ANXA2: variants seen among roughly 807,000 people sequenced by gnomAD.
ANXA2 encodes annexin II.
In ANXA2, 28 loss-of-function variants were observed where a neutral mutation model predicts 47.3. The ratio of observed to expected loss-of-function variants is 0.59; its 90% CI spans 0.44 to 0.81. ANXA2 has a LOEUF of 0.81. ANXA2 is among the 40% of genes least tolerant of loss of function. The pLI is 0.00. For synonymous variants in ANXA2, 172 were observed against 155.5 expected (o/e 1.11, Z -0.79); for missense variants, 384 against 414.3 (o/e 0.93, Z 0.64).
intron 1 of ANXA2, chr15:60,396,546 C>T (rs1387834408): frequency 1.3e-5 from 2 of 152,202 alleles, no homozygotes; most frequent in Non-Finnish European, 2.9e-5. Context: ...AAAAATATTT[C>T]AGTGATTTAG....
chr15:60,376,297 G>A (rs946486588), intron 3 of ANXA2, among the ~76,000 whole-genome samples: 4 of 151,958 alleles, frequency 2.6e-5, no homozygotes, highest in Non-Finnish European at 2.9e-5. Flanking sequence ...TAGGAGAATC[G>A]CTTGAACCCG....
At position 60,390,241 on chromosome 15, in the gene ANXA2, T is replaced by G. The variant is rs1430840021; in HGVS notation, c.-11-4155A>C. 3.9e-6 allele frequency: 4 copies of G among 1,018,724 alleles called. No individual in the cohort carries two copies. In the African/African-American group the frequency reaches 6.9e-5, roughly 18 times the overall value. 63.1% of individuals were successfully genotyped at this position (1,018,724 alleles called of 1,614,324 possible). A position where few individuals can be genotyped will look rare whatever the true frequency, so the allele number is the denominator to read the frequency against. ...AAAGCAGTATCTATGAAATTTGACA[T>G]TATCCCATGCAGGTGCCTTTTGTAT... is the stretch of plus-strand genomic sequence containing the variant. On this transcript the variant is annotated intron_variant, in intron 1 of 12. Coordinates refer to ENST00000451270, the MANE Select transcript of ANXA2 (RefSeq NM_004039.3).
In ANXA2 at chr15:60,382,405, C is replaced by T. The variant is rs1481934769; in HGVS notation, c.85G>A (p.Ala29Thr). ...TPPSAYGSVKAYTNFDAERDA... is the reference protein window; with the variant it reads ...TPPSAYGSVKTYTNFDAERDA... ...CGCTCAGCATCAAAGTTAGTATAGG[C>T]TTTGACAGACCCATATGCACTTGGG... is the stretch of plus-strand genomic sequence containing the variant. Residue 29 changes from alanine to threonine, a missense_variant, in exon 3 of 13, where the codon GCC becomes ACC. Coordinates refer to ENST00000451270, the MANE Select transcript of ANXA2 (RefSeq NM_004039.3). The T allele has an allele frequency of 6.2e-7, 1 of 1,613,788 alleles. No homozygotes were observed. Among genetic ancestry groups the T allele is most frequent in the Non-Finnish European group, 8.5e-7 (1 of 1,179,866 alleles).
At chr15:60,377,101 T>C (rs940953545) in intron 3 of ANXA2, among the ~76,000 whole-genome samples, 1 of 152,220 alleles carries the variant, frequency 6.6e-6, no homozygotes, top group Non-Finnish European at 1.5e-5. Context: ...TACTTAGTAT[T>C]GTCTCTTCCC....
chr15:60,366,358 G>C (rs1450348291), intron 3 of ANXA2, among the ~76,000 whole-genome samples: 1 of 149,536 alleles, frequency 6.7e-6, no homozygotes, highest in Non-Finnish European at 1.5e-5. Flanking sequence ...TCTGGAAAGT[G>C]AGGAGCGCCT....
At chr15:60,394,350 A>C (rs2063052908) in intron 1 of ANXA2, among the ~76,000 whole-genome samples, 1 of 152,128 alleles carries the variant, frequency 6.6e-6, no homozygotes, top group Admixed American at 6.5e-5. Context: ...CCTGGGGTAA[A>C]ACTCAGGCCA....
At chr15:60,369,829 C>CT (rs1274457403) in intron 3 of ANXA2, among the ~76,000 whole-genome samples, 1 of 152,212 alleles carries the variant, frequency 6.6e-6, no homozygotes, top group Non-Finnish European at 1.5e-5. Context: ...CTACCAACTG[C>CT]TTTTGTGAGG....
intron 6 of ANXA2, among the ~76,000 whole-genome samples, chr15:60,356,286 C>G (rs993987841): frequency 1.4e-4 from 22 of 152,090 alleles, no homozygotes; most frequent in African/African-American, 5.1e-4. Flanking sequence ...TAAATACTGG[C>G]TCCCAGCCCT....
intron 7 of ANXA2, chr15:60,355,599 T>C (rs1187044724): frequency 9.2e-6 from 4 of 433,588 alleles, no homozygotes; most frequent in South Asian, 6.5e-5. Flanking sequence ...GGGTCCTGCA[T>C]GACCACAGAT....
intron 10 of ANXA2, chr15:60,351,522 T>C (rs1896012433): frequency 1.6e-6 from 1 of 620,110 alleles, no homozygotes; most frequent in African/African-American, 1.8e-5. Flanking sequence ...GTTCTCTTAC[T>C]CCTCCCTGGC....
chr15:60,354,445 A>G (rs910363546), intron 7 of ANXA2, among the ~76,000 whole-genome samples: 1 of 151,956 alleles, frequency 6.6e-6, no homozygotes, highest in African/African-American at 2.4e-5. Flanking sequence ...ATGGAGACCA[A>G]CCTGGCTAAC....
chr15:60,388,586 AT>A (rs1020272867), intron 1 of ANXA2, among the ~76,000 whole-genome samples: 1 of 129,296 alleles, frequency 7.7e-6, no homozygotes, highest in Non-Finnish European at 1.6e-5. Context: ...TCCTTTTTCC[AT>A]TTTTTTTCCT....
intron 5 of ANXA2, among the ~76,000 whole-genome samples, chr15:60,360,737 T>A (rs762193762): frequency 6.6e-6 from 1 of 152,244 alleles, no homozygotes; most frequent in Non-Finnish European, 1.5e-5. Context: ...CTTCTCAGCA[T>A]CATGAAATTT....
At position 60,347,528 on chromosome 15, in the gene ANXA2, C is replaced by T. The variant is rs1456938928; in HGVS notation, c.*102G>A. On this transcript the variant is annotated 3_prime_UTR_variant, in exon 13 of 13. Transcript: ENST00000451270. ...GGGGGTAATGCTAACGTCACCCTCA[C>T]AGGGATGGCCACGGGGACTGTTATT... 10 of 1,171,490 alleles carry T rather than the reference C, an allele frequency of 8.5e-6. No homozygotes were observed. The highest frequency in any genetic ancestry group is 1.3e-5 in the Non-Finnish European group (10 of 788,784). The allele number at this position is 1,171,490 out of a possible 1,614,324, so 72.6% of individuals were successfully genotyped here. A position where few individuals can be genotyped will look rare whatever the true frequency, so the allele number is the denominator to read the frequency against.
intron 1 of ANXA2, among the ~76,000 whole-genome samples, chr15:60,387,982 G>C (rs1040052150): frequency 6.6e-6 from 1 of 152,150 alleles, no homozygotes; most frequent in Non-Finnish European, 1.5e-5. Flanking sequence ...GAGGTCAGGA[G>C]ATAGAGACCA....
chr15:60,395,989 A>G (rs888019585), intron 1 of ANXA2: 4 of 152,248 alleles, frequency 2.6e-5, no homozygotes, highest in African/African-American at 9.6e-5. Flanking sequence ...TTGCCCATCA[A>G]GGGCACCTCT....
intron 1 of ANXA2, chr15:60,386,797 A>C (rs953246523): frequency 3.3e-5 from 5 of 152,216 alleles, no homozygotes; most frequent in African/African-American, 1.2e-4. Flanking sequence ...GCAATCATAC[A>C]GTTCTCGGAA....
At chr15:60,396,923 T>A (rs114531626) in intron 1 of ANXA2, among the ~76,000 whole-genome samples, 40 of 152,324 alleles carry the variant, frequency 2.6e-4, no homozygotes, top group African/African-American at 9.6e-4. Context: ...ACACTTTGCA[T>A]TTGCACAGCA....
intron 3 of ANXA2, among the ~76,000 whole-genome samples, chr15:60,379,293 T>C (rs1397555004): frequency 1.3e-5 from 2 of 151,040 alleles, no homozygotes; most frequent in East Asian, 1.9e-4. Flanking sequence ...AATAAATGAA[T>C]AAAAATAAAA....
Sources: gnomAD v4.1 joint callset for allele counts (sites outside exome capture counted in the v4.1 genomes callset) on GRCh38, gnomAD v4.1.1 for gene constraint, MANE v1.5 for transcripts, NCBI Gene and HGNC (gene_info 2026-07-23, HGNC 2026-07-21) for gene names.